DLG2: variants seen among roughly 807,000 people sequenced by gnomAD.
The protein encoded by DLG2 is discs large MAGUK scaffold protein 2, also known as disks large homolog 2.
A neutral mutation model predicts 132.5 loss-of-function variants in DLG2; 45 were observed. The observed-to-expected ratio is 0.34, with a 90% CI of 0.27 to 0.44. The LOEUF (loss-of-function observed/expected upper bound fraction) is 0.44. DLG2 is among the 20% of genes least tolerant of loss of function. The probability of loss-of-function intolerance (pLI) is 1.00; values close to 1 mark genes in which losing one functional copy is unlikely to be tolerated. For missense variants in DLG2, 1,045 were observed against 1,196.9 expected, an observed-to-expected ratio of 0.87 and a Z score of 1.87; for synonymous variants, 424 against 419.6, an observed-to-expected ratio of 1.01 and a Z score of -0.13.
At chr11:83,781,586 C>T (rs190542736) in intron 18 of DLG2, among the ~76,000 whole-genome samples, 44 of 152,182 alleles carry the variant, frequency 2.9e-4, no homozygotes, top group Middle Eastern at 3.2e-3. Context: ...AGTTCCTCAT[C>T]ACTGGTAAGG....
chr11:83,928,276 T>C (rs987802516), intron 15 of DLG2, among the ~76,000 whole-genome samples: 2 of 152,044 alleles, frequency 1.3e-5, no homozygotes, highest in African/African-American at 2.4e-5. Flanking sequence ...AATTCAACAT[T>C]GTACTATAAT....
intron 9 of DLG2, among the ~76,000 whole-genome samples, chr11:84,137,222 A>C (rs1320455200): frequency 1.3e-5 from 2 of 152,120 alleles, no homozygotes; most frequent in Middle Eastern, 3.2e-3. Flanking sequence ...CTTTCTCTTG[A>C]GGTTTTGAAA....
chr11:85,035,626 G>T (rs938388262), intron 6 of DLG2, among the ~76,000 whole-genome samples: 2 of 152,132 alleles, frequency 1.3e-5, no homozygotes, highest in African/African-American at 4.8e-5. Context: ...TTCACAATGA[G>T]ATTTTGATGG....
At chr11:83,830,640 G>C (rs2054224087) in intron 17 of DLG2, among the ~76,000 whole-genome samples, 1 of 152,234 alleles carries the variant, frequency 6.6e-6, no homozygotes, top group Non-Finnish European at 1.5e-5. Context: ...TGTGCACCAA[G>C]AAGATGTGCC....
At chr11:83,486,477 T>G (rs1770393874) in intron 21 of DLG2, among the ~76,000 whole-genome samples, 1 of 152,048 alleles carries the variant, frequency 6.6e-6, no homozygotes, top group Admixed American at 6.6e-5. Context: ...TGGGGCTGCA[T>G]GCAAGCCACA....
At chr11:85,303,992 A>G (rs962539958) in intron 3 of DLG2, among the ~76,000 whole-genome samples, 2 of 152,170 alleles carry the variant, frequency 1.3e-5, no homozygotes, top group East Asian at 1.9e-4. Flanking sequence ...TTTCAAAAAT[A>G]TTTTTTGTGG....
intron 18 of DLG2, among the ~76,000 whole-genome samples, chr11:83,777,163 A>C (rs544270825): frequency 6.6e-6 from 1 of 152,332 alleles, no homozygotes; most frequent in East Asian, 1.9e-4. Context: ...CCATTGCTTA[A>C]TTTTACCAAT....
intron 6 of DLG2, among the ~76,000 whole-genome samples, chr11:85,091,446 A>C (rs1189335894): frequency 6.6e-6 from 1 of 152,180 alleles, no homozygotes; most frequent in Non-Finnish European, 1.5e-5. Flanking sequence ...GGCAATTTTT[A>C]AAAATAAGAC....
At chr11:84,846,131 T>G in intron 6 of DLG2, among the ~76,000 whole-genome samples, 1 of 152,162 alleles carries the variant, frequency 6.6e-6, no homozygotes, top group Non-Finnish European at 1.5e-5. Flanking sequence ...TAGAATCTTA[T>G]CCTCTTAAAT....
chr11:85,588,805 G>A (rs555684868), intron 3 of DLG2, among the ~76,000 whole-genome samples: 1 of 152,082 alleles, frequency 6.6e-6, no homozygotes, highest in Non-Finnish European at 1.5e-5. Context: ...GACTATTTCA[G>A]TGGAAAAATC....
At chr11:84,013,947 ACTGGAC>A (rs1346961851) in intron 11 of DLG2, among the ~76,000 whole-genome samples, 8 of 150,992 alleles carry the variant, frequency 5.3e-5, no homozygotes, top group Middle Eastern at 3.4e-3. Context: ...AACTGTCTTG[ACTGGAC>A]CTGGAGATGC....
chr11:85,023,285 C>T (rs907047796), intron 6 of DLG2, among the ~76,000 whole-genome samples: 4 of 152,012 alleles, frequency 2.6e-5, no homozygotes, highest in Admixed American at 1.3e-4. Flanking sequence ...CTTACAGTTT[C>T]AATGTGGATT....
intron 21 of DLG2, 50 bp downstream of exon 21, chr11:83,532,658 A>T (rs2095783723): frequency 1.3e-6 from 2 of 1,541,958 alleles, no homozygotes; most frequent in Non-Finnish European, 1.8e-6. Context: ...AATTATAGTT[A>T]AATCCATGGC....
chr11:83,718,579 A>T (rs192171687), intron 18 of DLG2, among the ~76,000 whole-genome samples: 1 of 151,140 alleles, frequency 6.6e-6, no homozygotes, highest in Non-Finnish European at 1.5e-5. Context: ...ATCCCATGTT[A>T]TGGAAACAAT....
chr11:84,711,023 T>TAC (rs1245226866), intron 6 of DLG2, among the ~76,000 whole-genome samples: 1 of 98,246 alleles, frequency 1.0e-5, no homozygotes, highest in Non-Finnish European at 2.3e-5. Context: ...TATATATATA[T>TAC]ATATATATAG....
At chr11:84,956,631 G>C (rs976952692) in intron 6 of DLG2, among the ~76,000 whole-genome samples, 8 of 152,122 alleles carry the variant, frequency 5.3e-5, no homozygotes, top group African/African-American at 1.9e-4. Flanking sequence ...GAGAATAGTA[G>C]CCTTGGCCCT....
intron 6 of DLG2, among the ~76,000 whole-genome samples, chr11:84,995,829 C>T (rs894510568): frequency 6.6e-6 from 1 of 152,116 alleles, no homozygotes; most frequent in East Asian, 1.9e-4. Flanking sequence ...CCTGGGAAAT[C>T]GTTAGCAATA....
At chr11:85,395,137 A>T (rs755225543) in intron 3 of DLG2, among the ~76,000 whole-genome samples, 6 of 152,180 alleles carry the variant, frequency 3.9e-5, no homozygotes, top group Non-Finnish European at 7.3e-5. Context: ...CTTGGGGACA[A>T]CTTTGCATAA....
chr11:84,551,510 C>A (rs1484314600), intron 6 of DLG2, among the ~76,000 whole-genome samples: 4 of 152,148 alleles, frequency 2.6e-5, no homozygotes, highest in Non-Finnish European at 4.4e-5. Flanking sequence ...TGTATTAATG[C>A]TTTACAAGCC....
Sources: gnomAD v4.1 joint callset for allele counts (sites outside exome capture counted in the v4.1 genomes callset) on GRCh38, gnomAD v4.1.1 for gene constraint, MANE v1.5 for transcripts, NCBI Gene and HGNC (gene_info 2026-07-23, HGNC 2026-07-21) for gene names.